Variants in UNC80 observed in about 807,000 individuals in gnomAD.
The protein encoded by UNC80 is unc-80 subunit of NALCN channel complex, also known as protein unc-80 homolog.
Under a neutral mutation model 384.6 loss-of-function variants are expected in UNC80, and 164 were observed. The ratio of observed to expected loss-of-function variants is 0.43; its 90% CI spans 0.38 to 0.49. The LOEUF is 0.49. UNC80 is among the 20% of genes least tolerant of loss of function. The pLI is 0.00. For missense variants in UNC80, 3,330 were observed against 4,143.0 expected (o/e 0.80, Z 5.39); for synonymous variants, 1,486 against 1,527.8 (o/e 0.97, Z 0.64).
In UNC80 at chr2:209,789,603, G is replaced by C; in HGVS notation, c.796G>C (p.Glu266Gln). The change falls in exon 6 of 65, where the codon GAG becomes CAG. Residue 266 changes from glutamate to glutamine, a missense_variant and splice_region_variant. Physicochemically the swap from Glu to Gln is conservative, Grantham distance 29. Transcript: ENST00000673920. ...ESPNQDARHL[E>Q]GLQVVCETFQ... ...ACCAAATCAAGATGCAAGACACTTA[G>C]AGGTTAGTTTATTATAATCATAAGA... 1 of 1,610,318 alleles carries C rather than the reference G, an allele frequency of 6.2e-7. No individual in the cohort carries two copies. The highest frequency in any genetic ancestry group is 1.1e-5 in the South Asian group (1 of 90,982).
chr2:209,982,118 G>A, intron 59 of UNC80, 61 bp from the exon 60 acceptor site: 3 of 1,498,626 alleles, frequency 2.0e-6, no homozygotes, highest in Non-Finnish European at 2.7e-6. Context: ...TACAGCTTTG[G>A]TTGGGTTTTT....
intron 7 of UNC80, chr2:209,795,010 G>A (rs2078066008): frequency 3.3e-6 from 1 of 304,342 alleles, no homozygotes; most frequent in South Asian, 2.8e-5. Flanking sequence ...GCAGAGATTG[G>A]AACAGTTTGA....
chr2:209,808,376 A>G (rs903236268), intron 7 of UNC80, among the ~76,000 whole-genome samples: 4 of 152,258 alleles, frequency 2.6e-5, no homozygotes, highest in Admixed American at 2.6e-4. Flanking sequence ...CAGCCTGGCC[A>G]ACATGGAGAA....
chr2:209,960,030 A>G (rs2092541419), intron 51 of UNC80, among the ~76,000 whole-genome samples: 1 of 152,144 alleles, frequency 6.6e-6, no homozygotes, highest in Non-Finnish European at 1.5e-5. Flanking sequence ...TCTCACTACT[A>G]TTTACTGCCC....
At chr2:209,876,485 A>G (rs1254029570) in intron 23 of UNC80, among the ~76,000 whole-genome samples, 1 of 152,218 alleles carries the variant, frequency 6.6e-6, no homozygotes, top group Non-Finnish European at 1.5e-5. Flanking sequence ...GACATATAGT[A>G]TTACACCAGA....
Position 209,820,187 on chromosome 2 carries a change from A to G in UNC80, c.1963-124A>G, listed in dbSNP as rs1574590207. On this transcript the variant is annotated intron_variant, in intron 12 of 64. Coordinates refer to ENST00000673920, the MANE Select transcript of UNC80 (RefSeq NM_001371986.1). ...TTATAGGAAAATTTGACAGTTGTCT[A>G]AATTATTTCTACCCAATTTCATAGA... 4 of 1,350,882 alleles carry G rather than the reference A, an allele frequency of 3.0e-6. No individual in the cohort carries two copies. The East Asian group carries it at 1.1e-4, about 36-fold the overall frequency. The allele number at this position is 1,350,882 out of a possible 1,614,324, so 83.7% of individuals were successfully genotyped here. A position where few individuals can be genotyped will look rare whatever the true frequency, so the allele number is the denominator to read the frequency against.
chr2:209,881,101 T>C lies in UNC80; in HGVS notation c.4110+7T>C, dbSNP rs1173677443. 6.4e-7 allele frequency: 1 copy of C among 1,551,484 alleles called. No individual in the cohort carries two copies. The highest frequency in any genetic ancestry group is 1.4e-5 in the African/African-American group (1 of 73,032). ...TCGCACTGAGCCTCTGGTGGTAAGT[T>C]AAAGCATGCAAGTTAATAATCAGGT... On this transcript the variant is annotated splice_region_variant and intron_variant, in intron 25 of 64. Coordinates refer to ENST00000673920, the MANE Select transcript of UNC80 (RefSeq NM_001371986.1).
Position 209,955,837 on chromosome 2 carries a change from G to A in UNC80, c.7457+1567G>A, listed in dbSNP as rs192009443. ...TGGCTCACTGCAACCTCCGCCTCCCGGGTTTAAGCAATTCTCATGCCTCAG... is the reference window on the plus strand; with the variant it reads ...TGGCTCACTGCAACCTCCGCCTCCCAGGTTTAAGCAATTCTCATGCCTCAG... On this transcript the variant is annotated intron_variant, in intron 48 of 64. Coordinates refer to ENST00000673920, the MANE Select transcript of UNC80 (RefSeq NM_001371986.1). Among the ~76,000 whole-genome samples, 676 of 149,978 alleles carry A rather than the reference G, an allele frequency of 4.5e-3. 4 individuals carry two copies. Among genetic ancestry groups the A allele is most frequent in the Non-Finnish European group, 4.7e-3 (318 of 67,498 alleles).
At chr2:209,954,745 A>G (rs965104855) in intron 48 of UNC80, among the ~76,000 whole-genome samples, 1 of 152,244 alleles carries the variant, frequency 6.6e-6, no homozygotes, top group African/African-American at 2.4e-5. Flanking sequence ...CAGAAACTAC[A>G]TAACCAATAT....
chr2:209,857,414 T>C (rs1208168321), intron 22 of UNC80, among the ~76,000 whole-genome samples: 1 of 152,202 alleles, frequency 6.6e-6, no homozygotes, highest in Non-Finnish European at 1.5e-5. Flanking sequence ...TGGCATAAAA[T>C]TGCTGAGAAT....
intron 46 of UNC80, 24 bp downstream of exon 46, chr2:209,945,213 ATTCTTT>A: frequency 6.5e-7 from 1 of 1,545,142 alleles, no homozygotes; most frequent in Non-Finnish European, 8.7e-7. Context: ...TTGCTTTGAC[ATTCTTT>A]TTCTCACTGC....
chr2:209,806,289 G>A (rs1187241715), intron 7 of UNC80, among the ~76,000 whole-genome samples: 1 of 152,086 alleles, frequency 6.6e-6, no homozygotes, highest in Non-Finnish European at 1.5e-5. Context: ...AAGTGTTAAT[G>A]GTTCCATTCT....
intron 48 of UNC80, among the ~76,000 whole-genome samples, chr2:209,955,092 TC>T (rs1284470303): frequency 6.6e-6 from 1 of 152,148 alleles, no homozygotes; most frequent in Non-Finnish European, 1.5e-5. Context: ...GAAATATTCT[TC>T]CCCAGGATAG....
At chr2:209,955,964 G>A (rs746441432) in intron 48 of UNC80, among the ~76,000 whole-genome samples, 5 of 151,590 alleles carry the variant, frequency 3.3e-5, no homozygotes, top group East Asian at 2.0e-4. Flanking sequence ...GGCTGGTCTC[G>A]AACTCCTGGC....
At position 209,935,682 on chromosome 2, in the gene UNC80, AG is replaced by A. The variant is rs2091198364; in HGVS notation, c.6179-31del. The A allele has an allele frequency of 2.5e-6, 3 of 1,212,982 alleles. 1 individual carries two copies. The highest frequency in any genetic ancestry group is 3.8e-5 in the South Asian group (2 of 52,048). The allele number at this position is 1,212,982 out of a possible 1,614,324, so 75.1% of individuals were successfully genotyped here. ...TAAAATACAAATTTTCTATAGTAAA[AG>A]TCAGTTTGTTATTATTTTTATCATC... On this transcript the variant is annotated intron_variant, in intron 39 of 64. Coordinates refer to ENST00000673920, the MANE Select transcript of UNC80 (RefSeq NM_001371986.1).
intron 38 of UNC80, among the ~76,000 whole-genome samples, chr2:209,931,777 T>C (rs1424674643): frequency 4.6e-5 from 7 of 152,246 alleles, no homozygotes; most frequent in Admixed American, 4.6e-4. Flanking sequence ...CTAAGACTAA[T>C]TTGGTCATCT....
chr2:209,875,632 T>G (rs2084706540), intron 23 of UNC80, among the ~76,000 whole-genome samples: 1 of 152,174 alleles, frequency 6.6e-6, no homozygotes, highest in Non-Finnish European at 1.5e-5. Context: ...ATCTACCTTT[T>G]CAGCCTTCCT....
intron 43 of UNC80, among the ~76,000 whole-genome samples, chr2:209,940,656 A>T (rs1300120966): frequency 2.0e-5 from 3 of 152,230 alleles, no homozygotes; most frequent in Non-Finnish European, 1.5e-5. Context: ...TCTACTAAAA[A>T]TACAAAAAAA....
At chr2:209,908,157 T>C (rs1411190594) in intron 29 of UNC80, among the ~76,000 whole-genome samples, 1 of 152,220 alleles carries the variant, frequency 6.6e-6, no homozygotes, top group African/African-American at 2.4e-5. Context: ...AGTGCCCACA[T>C]TTCCAGATGA....
Sources: allele counts gnomAD v4.1 joint callset (sites outside exome capture counted in the v4.1 genomes callset), GRCh38; gene constraint gnomAD v4.1.1; transcripts MANE v1.5; gene names NCBI Gene and HGNC (gene_info 2026-07-23, HGNC 2026-07-21).